Variants in GNG4 observed in about 807,000 individuals in gnomAD.
GNG4 encodes the protein G protein subunit gamma 4.
In GNG4, 4 loss-of-function variants were observed where a neutral mutation model predicts 5.8. The ratio of observed to expected loss-of-function variants is 0.69; its 90% CI spans 0.34 to 1.57. The LOEUF is 1.57. Ranked by LOEUF, GNG4 falls within the 40% of genes most tolerant of loss-of-function variation. The pLI is 0.06. For missense variants in GNG4, 96 were observed against 95.1 expected, an observed-to-expected ratio of 1.01 and a Z score of -0.04; for synonymous variants, 29 against 32.9, an observed-to-expected ratio of 0.88 and a Z score of 0.41.
chr1:235,562,647 G>GAAAAAAAAAAAGAAA (rs1687094830), intron 3 of GNG4, among the ~76,000 whole-genome samples: 8 of 21,580 alleles, frequency 3.7e-4, no homozygotes, highest in Non-Finnish European at 4.3e-4. Flanking sequence ...TCTGTCTCAA[G>GAAAAAAAAAAAGAAA]AAAAAAAAAA....
chr1:235,572,590 C>G (rs1171709144), intron 3 of GNG4, among the ~76,000 whole-genome samples: 1 of 150,028 alleles, frequency 6.7e-6, no homozygotes, highest in Non-Finnish European at 1.5e-5. Context: ...CAACCTCTGC[C>G]TCCTGGGTTC....
chr1:235,636,330 T>C (rs1395098515), intron 1 of GNG4, among the ~76,000 whole-genome samples: 1 of 152,186 alleles, frequency 6.6e-6, no homozygotes, highest in Non-Finnish European at 1.5e-5. Context: ...CGCTAAAGCC[T>C]TTGATTTATT....
rs1371175282 is a variant in GNG4 at position 235,644,490 on chromosome 1, C to T, written c.-123+5172G>A. On this transcript the variant is annotated intron_variant, in intron 1 of 3. Coordinates refer to ENST00000391854, the MANE Select transcript of GNG4 (RefSeq NM_001098722.2). The surrounding 1 kb of genome is among the most constrained non-coding windows in gnomAD (Gnocchi z 5.9). ...GTAACACCTTCTTCCCCGCACACAC[C>T]GTCAAACACATGCACGGTGTAGACT... 6.6e-6 allele frequency among the ~76,000 whole-genome samples: 1 copy of T among 152,224 alleles called. No homozygotes were observed. Among genetic ancestry groups the T allele is most frequent in the African/African-American group, 2.4e-5 (1 of 41,452 alleles).
At position 235,648,518 on chromosome 1, in the gene GNG4, T is replaced by A. The variant is rs1191168551; in HGVS notation, c.-123+1144A>T. On this transcript the variant is annotated intron_variant, in intron 1 of 3. Coordinates refer to ENST00000391854, the MANE Select transcript of GNG4 (RefSeq NM_001098722.2). This position sits in a 1 kb window ranked among gnomAD's most constrained non-coding sequence, Gnocchi z 5.0. ...CGGCTGGTTCCCCTCCCCCGCCTCA[T>A]ACAAAAATCAGGAAAAGGAGTTGCG... Among the ~76,000 whole-genome samples, 2 of 152,146 alleles carry A rather than the reference T, an allele frequency of 1.3e-5. No homozygotes were observed. Among genetic ancestry groups the A allele is most frequent in the African/African-American group, 2.4e-5 (1 of 41,432 alleles).
intron 3 of GNG4, among the ~76,000 whole-genome samples, chr1:235,554,689 CA>C (rs539436791): frequency 1.1e-4 from 16 of 151,974 alleles, no homozygotes; most frequent in African/African-American, 3.6e-4. Flanking sequence ...ACAAAAAATA[CA>C]AAAAATTAGC....
chr1:235,634,425 T>TGTCTTAGGTGGCTG (rs1265006327), intron 1 of GNG4, among the ~76,000 whole-genome samples: 1 of 152,202 alleles, frequency 6.6e-6, no homozygotes, highest in East Asian at 1.9e-4. Context: ...AAGTGCAGTA[T>TGTCTTAGGTGGCTG]TGATAATGTC....
intron 1 of GNG4, among the ~76,000 whole-genome samples, chr1:235,596,523 A>G (rs1243682272): frequency 6.6e-6 from 1 of 152,212 alleles, no homozygotes; most frequent in Non-Finnish European, 1.5e-5. Flanking sequence ...AAAACAAAAC[A>G]AAACAAAAAA....
intron 3 of GNG4, among the ~76,000 whole-genome samples, chr1:235,568,285 C>A (rs530985651): frequency 8.6e-4 from 131 of 152,228 alleles, no homozygotes; most frequent in Non-Finnish European, 1.4e-3. Context: ...GTACATCAAG[C>A]CCATCCTTCA....
intron 1 of GNG4, among the ~76,000 whole-genome samples, chr1:235,596,101 G>A (rs1056764952): frequency 3.3e-5 from 5 of 152,048 alleles, no homozygotes; most frequent in Non-Finnish European, 5.9e-5. Context: ...GTGAACCCGG[G>A]AGGCGGAGCT....
chr1:235,596,207 A>ACAAAAC (rs1553368858), intron 1 of GNG4, among the ~76,000 whole-genome samples: 1 of 28,770 alleles, frequency 3.5e-5, no homozygotes, highest in African/African-American at 1.3e-4. Context: ...AAACAAACAA[A>ACAAAAC]ATACACACAC....
intron 1 of GNG4, among the ~76,000 whole-genome samples, chr1:235,618,717 G>A (rs61596375): frequency 0.056 from 8,460 of 150,788 alleles, 490 homozygotes; most frequent in African/African-American, 0.15. Context: ...GTGCAGTGGC[G>A]TGATCTCGGC....
intron 3 of GNG4, among the ~76,000 whole-genome samples, chr1:235,578,064 T>G (rs1018852214): frequency 3.9e-5 from 6 of 152,022 alleles, no homozygotes; most frequent in South Asian, 2.1e-4. Flanking sequence ...TTCTTTCAAG[T>G]CTTGCATCAC....
At chr1:235,574,586 A>T (rs114164138) in intron 3 of GNG4, among the ~76,000 whole-genome samples, 8,180 of 152,292 alleles carry the variant, frequency 0.054, 268 homozygotes, top group Middle Eastern at 0.078. Context: ...ATGGTTTTAA[A>T]TAAATTATCA....
At chr1:235,583,915 C>G (rs1028757493) in intron 2 of GNG4, 67 bp from the exon 3 acceptor site, 2 of 883,180 alleles carry the variant, frequency 2.3e-6, no homozygotes, top group Non-Finnish European at 3.7e-6. Context: ...CCCCACCTCC[C>G]ACCACCTACA....
rs188444797 is a variant in GNG4 at position 235,613,180 on chromosome 1, G to A, written c.-122-17669C>T. Among the ~76,000 whole-genome samples, 46 of 152,242 alleles carry A rather than the reference G, an allele frequency of 3.0e-4. 1 individual carries two copies. In the East Asian group the frequency reaches 3.3e-3, roughly 11 times the overall value. On this transcript the variant is annotated intron_variant, in intron 1 of 3. Coordinates refer to ENST00000391854, the MANE Select transcript of GNG4 (RefSeq NM_001098722.2). ...AATGCTGAGAAGTTCAAAGCATGGC[G>A]TCTACATCAGATATTTAAATTCCAT...
intron 3 of GNG4, among the ~76,000 whole-genome samples, chr1:235,580,965 T>G (rs1687619201): frequency 6.6e-6 from 1 of 152,116 alleles, no homozygotes; most frequent in African/African-American, 2.4e-5. Flanking sequence ...TTGGCTAGGC[T>G]AGTCTCGAAC....
At chr1:235,611,603 C>T (rs1688475586) in intron 1 of GNG4, among the ~76,000 whole-genome samples, 1 of 152,140 alleles carries the variant, frequency 6.6e-6, no homozygotes, top group Admixed American at 6.6e-5. Context: ...GGCACTAATC[C>T]CAACTTCGCA....
chr1:235,592,830 G>A (rs1459438258), intron 2 of GNG4, among the ~76,000 whole-genome samples: 6 of 152,108 alleles, frequency 3.9e-5, no homozygotes, highest in African/African-American at 9.7e-5. Context: ...TGAGCCGCCG[G>A]GTCCTCCTTG....
At chr1:235,612,626 GATCCTCCTGCCCC>G (rs1257462952) in intron 1 of GNG4, among the ~76,000 whole-genome samples, 4 of 152,084 alleles carry the variant, frequency 2.6e-5, no homozygotes, top group African/African-American at 9.7e-5. Context: ...AGGCTCAAGT[GATCCTCCTGCCCC>G]AGCCTCCCAA....
Sources: gnomAD v4.1 joint callset for allele counts (sites outside exome capture counted in the v4.1 genomes callset) on GRCh38, gnomAD v4.1.1 for gene constraint, Gnocchi (gnomAD v3.1) non-coding constraint, MANE v1.5 for transcripts, NCBI Gene and HGNC (gene_info 2026-07-23, HGNC 2026-07-21) for gene names.